The following SMPD3 variants were observed in gnomAD, a reference collection of about 807,000 sequenced individuals.
SMPD3 encodes sphingomyelin phosphodiesterase 3.
Under a neutral mutation model 55.7 loss-of-function variants are expected in SMPD3, and 21 were observed. The ratio of observed to expected loss-of-function variants is 0.38; its 90% CI spans 0.27 to 0.54. The LOEUF (loss-of-function observed/expected upper bound fraction) is 0.54. SMPD3 is among the 20% of genes least tolerant of loss of function. The pLI is 0.80. For synonymous variants in SMPD3, 457 were observed against 404.3 expected, an observed-to-expected ratio of 1.13 and a Z score of -1.56; for missense variants, 842 against 899.6, an observed-to-expected ratio of 0.94 and a Z score of 0.82.
chr16:68,405,581 A>G (rs1261231732), intron 1 of SMPD3, among the ~76,000 whole-genome samples: 2 of 151,848 alleles, frequency 1.3e-5, no homozygotes, highest in Non-Finnish European at 2.9e-5. Context: ...AAGAAAAGAA[A>G]ATACAAAAAG....
At chr16:68,423,532 C>T (rs1165034105) in intron 1 of SMPD3, among the ~76,000 whole-genome samples, 3 of 152,138 alleles carry the variant, frequency 2.0e-5, no homozygotes, top group Non-Finnish European at 4.4e-5. Flanking sequence ...TCATCAGATG[C>T]GACCCCCTTG....
intron 1 of SMPD3, among the ~76,000 whole-genome samples, chr16:68,394,040 T>A (rs1168841776): frequency 6.6e-6 from 1 of 152,190 alleles, no homozygotes; most frequent in Non-Finnish European, 1.5e-5. Flanking sequence ...TAATTTATAA[T>A]TCAAAATTTA....
chr16:68,415,669 C>T (rs748614737), intron 1 of SMPD3, among the ~76,000 whole-genome samples: 7 of 151,862 alleles, frequency 4.6e-5, no homozygotes, highest in Admixed American at 6.5e-5. Context: ...ATATATATAG[C>T]GGATGCTTAT....
intron 1 of SMPD3, among the ~76,000 whole-genome samples, chr16:68,398,805 A>C (rs2090182431): frequency 6.6e-6 from 1 of 152,232 alleles, no homozygotes; most frequent in Non-Finnish European, 1.5e-5. Flanking sequence ...GTGAAATGCC[A>C]TTCCATTAGC....
intron 1 of SMPD3, among the ~76,000 whole-genome samples, chr16:68,395,358 T>C (rs1321796941): frequency 2.6e-5 from 4 of 152,248 alleles, no homozygotes; most frequent in Non-Finnish European, 4.4e-5. Context: ...TCTTGGGAAC[T>C]AGTTTTTCGA....
At chr16:68,417,849 G>A (rs1259997463) in intron 1 of SMPD3, among the ~76,000 whole-genome samples, 4 of 152,198 alleles carry the variant, frequency 2.6e-5, no homozygotes, top group Non-Finnish European at 5.9e-5. Flanking sequence ...AGCCATGGGG[G>A]TGTGGTGTCA....
intron 1 of SMPD3, among the ~76,000 whole-genome samples, chr16:68,439,152 C>G (rs2090547690): frequency 6.6e-6 from 1 of 152,102 alleles, no homozygotes; most frequent in Admixed American, 6.5e-5. Flanking sequence ...AAGATGAAGT[C>G]TGGAAAGGTT....
chr16:68,390,810 T>C (rs956379396), intron 1 of SMPD3, among the ~76,000 whole-genome samples: 2 of 152,180 alleles, frequency 1.3e-5, no homozygotes, highest in African/African-American at 4.8e-5. Context: ...GGTGCCATGG[T>C]TGGACAGGCA....
intron 1 of SMPD3, among the ~76,000 whole-genome samples, chr16:68,411,826 C>T (rs1357781288): frequency 1.3e-5 from 2 of 152,104 alleles, no homozygotes; most frequent in Admixed American, 6.5e-5. Flanking sequence ...GGCAGTGGGA[C>T]AGCATCAAAA....
intron 1 of SMPD3, among the ~76,000 whole-genome samples, chr16:68,394,261 A>G (rs1011266325): frequency 2.0e-5 from 3 of 152,164 alleles, no homozygotes; most frequent in Non-Finnish European, 4.4e-5. Context: ...TTTCCAAATC[A>G]GTTATTTTCT....
intron 3 of SMPD3, chr16:68,369,420 G>A (rs935874730): frequency 6.6e-6 from 1 of 150,494 alleles, no homozygotes; most frequent in African/African-American, 2.4e-5. Context: ...GGGACAGGAT[G>A]TGTGGATTGA....
chr16:68,379,088 A>G (rs1338067421), intron 2 of SMPD3, among the ~76,000 whole-genome samples: 4 of 152,172 alleles, frequency 2.6e-5, no homozygotes, highest in Non-Finnish European at 5.9e-5. Flanking sequence ...CAGCTATGTG[A>G]TCTTTCTAAA....
chr16:68,436,718 A>C (rs767492354), intron 1 of SMPD3, among the ~76,000 whole-genome samples: 4 of 152,256 alleles, frequency 2.6e-5, no homozygotes, highest in Non-Finnish European at 5.9e-5. Context: ...TTTGCTCAGC[A>C]TACCATGCCT....
intron 1 of SMPD3, among the ~76,000 whole-genome samples, chr16:68,426,991 CTTT>C (rs56214206): frequency 2.9e-4 from 32 of 112,114 alleles, no homozygotes; most frequent in South Asian, 1.3e-3. Flanking sequence ...TCAGGTCTAT[CTTT>C]TTTTTTTTTT....
chr16:68,430,609 AT>A (rs1227268634), intron 1 of SMPD3, among the ~76,000 whole-genome samples: 2 of 151,928 alleles, frequency 1.3e-5, no homozygotes, highest in African/African-American at 2.4e-5. Flanking sequence ...CACTGGGCTA[AT>A]TTCTAGTCTT....
chr16:68,428,678 AAG>A (rs1224084246), intron 1 of SMPD3, among the ~76,000 whole-genome samples: 1 of 152,112 alleles, frequency 6.6e-6, no homozygotes, highest in African/African-American at 2.4e-5. Context: ...CTGATAAAGA[AAG>A]AGAAAAAGTG....
intron 1 of SMPD3, among the ~76,000 whole-genome samples, chr16:68,395,779 G>A (rs2090151212): frequency 1.3e-5 from 2 of 152,196 alleles, no homozygotes; most frequent in African/African-American, 2.4e-5. Context: ...TATAGGTAAT[G>A]TTGCTTTTCT....
intron 2 of SMPD3, among the ~76,000 whole-genome samples, chr16:68,374,898 C>A (rs1024173389): frequency 6.6e-6 from 1 of 152,180 alleles, no homozygotes; most frequent in Admixed American, 6.5e-5. Context: ...ACAATGGGGG[C>A]GGGATGGGGG....
chr16:68,389,228 T>A (rs1050278765), intron 1 of SMPD3, among the ~76,000 whole-genome samples: 5 of 152,202 alleles, frequency 3.3e-5, no homozygotes, highest in Non-Finnish European at 7.3e-5. Flanking sequence ...GTGGGCCGTT[T>A]ACCTAGCACA....
Sources: allele counts gnomAD v4.1 joint callset (sites outside exome capture counted in the v4.1 genomes callset), GRCh38; gene constraint gnomAD v4.1.1; transcripts MANE v1.5; gene names NCBI Gene and HGNC (gene_info 2026-07-23, HGNC 2026-07-21).